MAP1B: variants seen among roughly 807,000 people sequenced by gnomAD.
The protein encoded by MAP1B is microtubule associated protein 1B, also known as microtubule-associated protein 1B.
Under a neutral mutation model 176.1 loss-of-function variants are expected in MAP1B, and 12 were observed. The observed-to-expected ratio is 0.07, with a 90% CI of 0.04 to 0.11. The LOEUF is 0.11. Among genes scored for constraint, MAP1B ranks in the 10% least tolerant of loss-of-function variants. MAP1B has a pLI of 1.00. For synonymous variants in MAP1B, 1,044 were observed against 1,135.0 expected, an observed-to-expected ratio of 0.92 and a Z score of 1.61; for missense variants, 2,523 against 2,990.5, an observed-to-expected ratio of 0.84 and a Z score of 3.65.
intron 3 of MAP1B, among the ~76,000 whole-genome samples, chr5:72,184,184 A>G (rs1746840723): frequency 6.6e-6 from 1 of 152,218 alleles, no homozygotes; most frequent in Non-Finnish European, 1.5e-5. Flanking sequence ...CGCGACATAC[A>G]GGGCAAACCT....
chr5:72,175,944 T>A (rs1165427630), intron 2 of MAP1B, among the ~76,000 whole-genome samples: 1 of 152,248 alleles, frequency 6.6e-6, no homozygotes, highest in Non-Finnish European at 1.5e-5. Flanking sequence ...ATTTGCGAAG[T>A]CTCCTGAACT....
chr5:72,168,366 G>A (rs1746470522), intron 2 of MAP1B, among the ~76,000 whole-genome samples: 1 of 152,096 alleles, frequency 6.6e-6, no homozygotes, highest in South Asian at 2.1e-4. Context: ...CTTACCTGTT[G>A]GCATTTTTAC....
chr5:72,198,291 T>C lies in MAP1B; in HGVS notation c.4936T>C (p.Ser1646Pro). ...QDHRSEQSSM[S>P]IEFGQESPEQ... The stretch of plus-strand genomic sequence containing the variant: ...TCACAGATCTGAACAGTCCTCAATG[T>C]CTATTGAATTTGGCCAAGAATCTCC... Residue 1646 changes from serine to proline, a missense_variant, in exon 5 of 7, where the codon TCT becomes CCT. By Grantham distance (74) the Ser-to-Pro change is moderately conservative (BLOSUM62 -1). Around this residue, in one of 4 missense-constraint regions of MAP1B, gnomAD observed 1,925 missense variants for 2,126.0 expected, o/e 0.91. Transcript: ENST00000296755. The C allele has an allele frequency of 6.2e-7, 1 of 1,614,198 alleles. No homozygotes were observed.
chr5:72,135,068 G>A (rs4704553), intron 2 of MAP1B, among the ~76,000 whole-genome samples: 69,576 of 150,456 alleles, frequency 0.46, 16,573 homozygotes, highest in African/African-American at 0.58. Context: ...AGCCCCTCCC[G>A]CAATAGGAAG....
intron 2 of MAP1B, among the ~76,000 whole-genome samples, chr5:72,136,790 G>A (rs547239239): frequency 1.3e-5 from 2 of 152,204 alleles, no homozygotes; most frequent in Non-Finnish European, 2.9e-5. Flanking sequence ...CTGACCCCAA[G>A]CCAAACTACA....
At chr5:72,141,901 G>T (rs1051883271) in intron 2 of MAP1B, among the ~76,000 whole-genome samples, 1 of 152,178 alleles carries the variant, frequency 6.6e-6, no homozygotes, top group Admixed American at 6.5e-5. Flanking sequence ...CCATTCCACT[G>T]GTTCTGGCTG....
At chr5:72,129,460 G>A (rs1745688642) in intron 2 of MAP1B, among the ~76,000 whole-genome samples, 1 of 152,050 alleles carries the variant, frequency 6.6e-6, no homozygotes, top group Non-Finnish European at 1.5e-5. Flanking sequence ...GGGAGGCTGA[G>A]GCAGGAAAAT....
chr5:72,198,271 G>A lies in MAP1B; in HGVS notation c.4916G>A (p.Arg1639Lys), dbSNP rs768831568. ...TCCAGGACACCCGTTCAAGATCACAGATCTGAACAGTCCTCAATGTCTATT... is the reference window on the plus strand; with the variant it reads ...TCCAGGACACCCGTTCAAGATCACAAATCTGAACAGTCCTCAATGTCTATT... ...AKSRTPVQDHRSEQSSMSIEF... is the reference protein window; with the variant it reads ...AKSRTPVQDHKSEQSSMSIEF... Residue 1639 changes from arginine (R) to lysine (K), a missense_variant, in exon 5 of 7, where the codon AGA becomes AAA. Around this residue, in one of 4 missense-constraint regions of MAP1B, gnomAD observed 1,925 missense variants for 2,126.0 expected, o/e 0.91. Transcript: ENST00000296755. 18 of 1,614,008 alleles carry A rather than the reference G, an allele frequency of 1.1e-5. No individual in the cohort carries two copies. The highest frequency in any genetic ancestry group is 4.0e-5 in the African/African-American group (3 of 74,936).
At chr5:72,123,951 G>A (rs1008293398) in intron 2 of MAP1B, among the ~76,000 whole-genome samples, 8 of 152,146 alleles carry the variant, frequency 5.3e-5, no homozygotes, top group East Asian at 1.9e-4. Context: ...CTTAATTTGC[G>A]AACTGTGTAT....
chr5:72,137,439 T>C (rs937460675), intron 2 of MAP1B, among the ~76,000 whole-genome samples: 2 of 152,246 alleles, frequency 1.3e-5, no homozygotes, highest in Non-Finnish European at 2.9e-5. Context: ...AAAAAGCTTA[T>C]GATCTTTAAC....
chr5:72,185,320 G>A (rs182778139), intron 3 of MAP1B, among the ~76,000 whole-genome samples: 1 of 152,300 alleles, frequency 6.6e-6, no homozygotes, highest in Admixed American at 6.5e-5. Context: ...GTGAAGCTGA[G>A]GAAAGTGATG....
chr5:72,158,915 A>G (rs564020921), intron 2 of MAP1B, among the ~76,000 whole-genome samples: 2 of 152,316 alleles, frequency 1.3e-5, no homozygotes, highest in South Asian at 4.1e-4. Context: ...ACATGGCCTA[A>G]TCACTAGTGA....
At position 72,140,564 on chromosome 5, in the gene MAP1B, A is replaced by G. The variant is rs147567195; in HGVS notation, c.286+24765A>G. 2.4e-3 allele frequency among the ~76,000 whole-genome samples: 372 copies of G among 152,344 alleles called. 4 individuals are homozygous for G. Among genetic ancestry groups the G allele is most frequent in the African/African-American group, 8.2e-3 (340 of 41,578 alleles). On this transcript the variant is annotated intron_variant, in intron 2 of 6. Transcript: ENST00000296755. Reference sequence around the variant, plus strand: ...GACAACTATTAAGTATCACTCATAAATTTATTTTCAGCAACATGGGAAAGG... The same window carrying G: ...GACAACTATTAAGTATCACTCATAAGTTTATTTTCAGCAACATGGGAAAGG...
chr5:72,122,030 T>C (rs1276973599), intron 2 of MAP1B, among the ~76,000 whole-genome samples: 1 of 152,210 alleles, frequency 6.6e-6, no homozygotes, highest in Non-Finnish European at 1.5e-5. Flanking sequence ...TCATCTTTCC[T>C]CATTGCATCA....
At chr5:72,172,109 C>T (rs77596150) in intron 2 of MAP1B, among the ~76,000 whole-genome samples, 1,658 of 152,274 alleles carry the variant, frequency 0.011, 24 homozygotes, top group African/African-American at 0.038. Flanking sequence ...CCTGAGTGTC[C>T]ACCTGTACAT....
chr5:72,196,163 T>C lies in MAP1B; in HGVS notation c.2808T>C (p.Ser936=), dbSNP rs767373839. 1.2e-6 allele frequency: 2 copies of C among 1,613,136 alleles called. No individual in the cohort carries two copies. Among genetic ancestry groups the C allele is most frequent in the Non-Finnish European group, 1.7e-6 (2 of 1,179,938 alleles). The change falls in exon 5 of 7, where the codon TCT becomes TCC. Residue 936 remains serine, a synonymous_variant. Transcript: ENST00000296755. This position sits in a 1 kb window ranked among gnomAD's most constrained non-coding sequence, Gnocchi z 5.3. The part of the protein sequence containing the change: ...FEDEGAGFEE[S]SETGDYEEKA... The stretch of plus-strand genomic sequence containing the variant: ...ATGAAGGAGCCGGTTTTGAAGAATC[T>C]TCAGAGACTGGAGACTATGAAGAGA...
intron 2 of MAP1B, among the ~76,000 whole-genome samples, chr5:72,171,988 C>T (rs1213702621): frequency 6.6e-6 from 1 of 152,168 alleles, no homozygotes; most frequent in Non-Finnish European, 1.5e-5. Flanking sequence ...GAGGAATAAA[C>T]ACAATTCATA....
intron 2 of MAP1B, among the ~76,000 whole-genome samples, chr5:72,158,750 T>C (rs1253594848): frequency 6.6e-6 from 1 of 152,172 alleles, no homozygotes; most frequent in South Asian, 2.1e-4. Context: ...GACTCGTATG[T>C]GGTGAGGCAG....
chr5:72,140,490 G>C (rs1745927111), intron 2 of MAP1B, among the ~76,000 whole-genome samples: 1 of 152,150 alleles, frequency 6.6e-6, no homozygotes, highest in African/African-American at 2.4e-5. Context: ...CTGGTATAGA[G>C]GTTTTTGAAG....
Sources: allele counts gnomAD v4.1 joint callset (sites outside exome capture counted in the v4.1 genomes callset), GRCh38; gene constraint gnomAD v4.1.1; regional missense constraint gnomAD v4.1.1; non-coding constraint Gnocchi (gnomAD v3.1); transcripts MANE v1.5; gene names NCBI Gene and HGNC (gene_info 2026-07-23, HGNC 2026-07-21).